The following EFCAB7 variants were observed in gnomAD, a reference collection of about 807,000 sequenced individuals.
The protein encoded by EFCAB7 is EF-hand calcium-binding domain-containing protein 7.
In EFCAB7, 66 loss-of-function variants were observed where a neutral mutation model predicts 77.1. The observed-to-expected ratio is 0.86, with a 90% CI of 0.70 to 1.05. The LOEUF (loss-of-function observed/expected upper bound fraction) is 1.05, where lower values mean the gene tolerates loss of function less well. Ranked by LOEUF, EFCAB7 falls within the 50% of genes least tolerant of loss-of-function variation. The pLI is 0.00. For missense variants in EFCAB7, 638 were observed against 730.5 expected, an observed-to-expected ratio of 0.87 and a Z score of 1.46; for synonymous variants, 225 against 243.3, an observed-to-expected ratio of 0.92 and a Z score of 0.70.
chr1:63,583,883 A>G, the EFCAB7 span, among the ~76,000 whole-genome samples: 1 of 147,408 alleles, frequency 6.8e-6, no homozygotes, highest in Non-Finnish European at 1.5e-5. Context: ...GTTGTGCATC[A>G]TTTCACAGAA....
intron 2 of EFCAB7, among the ~76,000 whole-genome samples, chr1:63,530,279 T>A (rs538662573): frequency 2.0e-5 from 3 of 152,312 alleles, no homozygotes; most frequent in African/African-American, 7.2e-5. Context: ...TGATGCTGAT[T>A]GGTGATGCGC....
chr1:63,570,174 T>G (rs554210794), intron 12 of EFCAB7: 1 of 152,328 alleles, frequency 6.6e-6, no homozygotes, highest in South Asian at 2.1e-4. Context: ...CACAGCTAAG[T>G]AGTAGAAGAG....
chr1:63,582,770 A>G, the EFCAB7 span, among the ~76,000 whole-genome samples: 1 of 152,084 alleles, frequency 6.6e-6, no homozygotes, highest in Non-Finnish European at 1.5e-5. Flanking sequence ...ATGCCCAGCT[A>G]ATTTTTGTAT....
the EFCAB7 span, among the ~76,000 whole-genome samples, chr1:63,584,639 CA>C: frequency 1.3e-5 from 2 of 152,184 alleles, no homozygotes; most frequent in African/African-American, 4.8e-5. Flanking sequence ...ACAGCAAGAC[CA>C]ACTTCTCTTC....
At position 63,534,128 on chromosome 1, in the gene EFCAB7, G is replaced by A. The variant is rs1463956887; in HGVS notation, c.716G>A (p.Arg239Lys). ...AGGAGTTCTTTACTGTCAGCAACCA[G>A]GAAGTTCAAAACATCTGTTTCCTTC... ...DTRSSLLSAT[R>K]KFKTSVSFTV... Residue 239 changes from arginine to lysine, a missense_variant, in exon 6 of 14, where the codon AGG (arginine) becomes AAG (lysine). Transcript: ENST00000371088. 1 of 1,613,338 alleles carries A rather than the reference G, an allele frequency of 6.2e-7. No homozygotes were observed. The highest frequency in any genetic ancestry group is 8.5e-7 in the Non-Finnish European group (1 of 1,179,516).
chr1:63,572,492 T>C lies in EFCAB7; in HGVS notation c.1866T>C (p.Tyr622=), dbSNP rs757409687. The C allele has an allele frequency of 6.5e-7, 1 of 1,530,600 alleles. No homozygotes were observed. Among genetic ancestry groups the C allele is most frequent in the South Asian group, 1.2e-5 (1 of 80,832 alleles). 94.8% of individuals were successfully genotyped at this position (1,530,600 alleles called of 1,614,324 possible). Reference sequence around the variant, plus strand: ...ATGAACGACAAGAATGGATATATTATTGTATATATTCTCTTATTTCTTAAA... The same window carrying C: ...ATGAACGACAAGAATGGATATATTACTGTATATATTCTCTTATTTCTTAAA... The part of the protein sequence containing the change: ...PLNERQEWIY[Y]CIYSLIS Residue 622 remains tyrosine, a synonymous_variant, in exon 14 of 14, where the codon TAT becomes TAC. Transcript: ENST00000371088.
intron 1 of EFCAB7, among the ~76,000 whole-genome samples, chr1:63,525,319 A>C (rs1339847857): frequency 1.3e-5 from 2 of 152,180 alleles, no homozygotes; most frequent in Non-Finnish European, 2.9e-5. Flanking sequence ...ATACATATGT[A>C]TATATCTAAA....
chr1:63,575,220 G>GTT (rs1290527289), downstream of EFCAB7, among the ~76,000 whole-genome samples: 1 of 151,826 alleles, frequency 6.6e-6, no homozygotes, highest in South Asian at 2.1e-4. Context: ...ATCAAGTACT[G>GTT]TTATATATAT....
chr1:63,531,694 G>C, intron 2 of EFCAB7, 126 bp from the exon 3 acceptor site: 1 of 853,484 alleles, frequency 1.2e-6, no homozygotes, highest in East Asian at 2.8e-5. Context: ...CAACACCAAA[G>C]TAATGTACTG....
chr1:63,533,480 C>A lies in EFCAB7; in HGVS notation c.513C>A (p.Asn171Lys). 1 of 1,603,044 alleles carries A rather than the reference C, an allele frequency of 6.2e-7. No individual in the cohort carries two copies. Among genetic ancestry groups the A allele is most frequent in the Non-Finnish European group, 8.5e-7 (1 of 1,177,076 alleles). ...IKFCKLYMTT[N>K]EQCLKTTLEK... ...TTTGTAAATTATATATGACAACCAACGAGCAATGTCTCAAGACTACACTAG... is the reference window on the plus strand; with the variant it reads ...TTTGTAAATTATATATGACAACCAAAGAGCAATGTCTCAAGACTACACTAG... Residue 171 changes from asparagine (N) to lysine (K), a missense_variant, in exon 5 of 14, where the codon AAC becomes AAA. Physicochemically the swap from Asn to Lys is moderately conservative, Grantham distance 94. Coordinates refer to ENST00000371088, the MANE Select transcript of EFCAB7 (RefSeq NM_032437.4).
At chr1:63,547,508 G>A (rs1281279455) in intron 7 of EFCAB7, 1 of 152,150 alleles carries the variant, frequency 6.6e-6, no homozygotes, top group African/African-American at 2.4e-5. Flanking sequence ...GGAGTGGTTA[G>A]TATATGCTTC....
chr1:63,579,495 A>C, the EFCAB7 span, among the ~76,000 whole-genome samples: 1 of 152,180 alleles, frequency 6.6e-6, no homozygotes, highest in African/African-American at 2.4e-5. Context: ...TATTAATAGA[A>C]CTGCTATAAA....
rs1646953264 is a variant in EFCAB7 at position 63,550,641 on chromosome 1, A to T, written c.947-1084A>T. On this transcript the variant is annotated intron_variant, in intron 7 of 13. Transcript: ENST00000371088. ...TAAAAATAGATTTGAAACATTAAAA[A>T]AAAAAAAAGAAAGTAGATGGAAGGA... is the stretch of plus-strand genomic sequence containing the variant. The T allele has an allele frequency of 2.0e-5, 3 of 151,990 alleles. 1 individual carries two copies. The highest frequency in any genetic ancestry group is 7.2e-5 in the African/African-American group (3 of 41,396). The allele number at this position is 151,990 out of a possible 1,614,324, so 9.4% of individuals were successfully genotyped here.
intron 11 of EFCAB7, among the ~76,000 whole-genome samples, chr1:63,567,960 A>G (rs1053736237): frequency 2.6e-5 from 4 of 152,184 alleles, no homozygotes; most frequent in Non-Finnish European, 5.9e-5. Flanking sequence ...CCTTTGATGA[A>G]TTCTTTCTGT....
At chr1:63,552,054 A>C (rs1319781691) in intron 8 of EFCAB7, among the ~76,000 whole-genome samples, 2 of 152,032 alleles carry the variant, frequency 1.3e-5, no homozygotes, top group Admixed American at 1.3e-4. Context: ...GCGATTTCTT[A>C]AGAATTAAGG....
rs751887264 is a variant in EFCAB7, at chr1:63,568,331, A to G, written c.1519A>G (p.Ile507Val). ...TCAGGCATGTCCATTTGTCATTGAT[A>G]TCTATGCAGAAAAATGCAAGCCAAA... is the stretch of plus-strand genomic sequence containing the variant. ...LTEACPFVID[I>V]YAEKCKPKIK... Residue 507 changes from isoleucine (I) to valine (V), a missense_variant, in exon 12 of 14, where the codon ATC becomes GTC. Transcript: ENST00000371088. The G allele has an allele frequency of 1.2e-6, 2 of 1,603,510 alleles. No individual in the cohort carries two copies. Among genetic ancestry groups the G allele is most frequent in the Non-Finnish European group, 1.7e-6 (2 of 1,176,874 alleles).
rs1647299271 is a variant in EFCAB7, at chr1:63,572,648, T to C, written c.*132T>C. 1.8e-6 allele frequency: 2 copies of C among 1,111,798 alleles called. No individual in the cohort carries two copies. Among genetic ancestry groups the C allele is most frequent in the East Asian group, 7.0e-5 (2 of 28,422 alleles). The allele number at this position is 1,111,798 out of a possible 1,614,324, so 68.9% of individuals were successfully genotyped here. ...TCAATTTATATGCATTTTCATTTTA[T>C]GTCCATGGTATGTACTTTATTATTA... On this transcript the variant is annotated 3_prime_UTR_variant, in exon 14 of 14. Coordinates refer to ENST00000371088, the MANE Select transcript of EFCAB7 (RefSeq NM_032437.4).
intron 6 of EFCAB7, among the ~76,000 whole-genome samples, chr1:63,534,816 C>G (rs1157201072): frequency 1.3e-5 from 2 of 152,024 alleles, no homozygotes; most frequent in Non-Finnish European, 2.9e-5. Flanking sequence ...GAACTGATTG[C>G]TCTCAAGAGC....
intron 6 of EFCAB7, among the ~76,000 whole-genome samples, chr1:63,536,516 C>T (rs1436568156): frequency 6.6e-6 from 1 of 152,018 alleles, no homozygotes; most frequent in East Asian, 1.9e-4. Flanking sequence ...AAGTAGCTGG[C>T]ATTACAGGAG....
Sources: allele counts gnomAD v4.1 joint callset (sites outside exome capture counted in the v4.1 genomes callset), GRCh38; gene constraint gnomAD v4.1.1; transcripts MANE v1.5; gene names NCBI Gene and HGNC (gene_info 2026-07-23, HGNC 2026-07-21).